TNPO3: variants seen among roughly 807,000 people sequenced by gnomAD.
TNPO3 encodes transportin 3.
A neutral mutation model predicts 122.8 loss-of-function variants in TNPO3; 65 were observed. The observed-to-expected ratio is 0.53, with a 90% confidence interval of 0.43 to 0.65. TNPO3 has a LOEUF of 0.65. Among genes scored for constraint, TNPO3 ranks in the 30% least tolerant of loss-of-function variants. The probability of loss-of-function intolerance (pLI) is 0.00; values close to 1 mark genes in which losing one functional copy is unlikely to be tolerated. For synonymous variants in TNPO3, 372 were observed against 411.2 expected, an observed-to-expected ratio of 0.90 and a Z score of 1.15; for missense variants, 850 against 1,136.7, an observed-to-expected ratio of 0.75 and a Z score of 3.63.
At chr7:129,015,230 G>T (rs1052523773) in intron 3 of TNPO3, 95 bp from the exon 4 acceptor site, 2 of 1,265,340 alleles carry the variant, frequency 1.6e-6, no homozygotes, top group Non-Finnish European at 2.2e-6. Flanking sequence ...AACAACAAAA[G>T]CAACATTCCC....
chr7:128,989,887 C>T lies in TNPO3; in HGVS notation c.1498+74G>A, dbSNP rs1800569234. ...AAAAAAACAGAAAGGAAAACACATGCAAAAGTAAGAGATGAGAAGAAAAAT... is the reference window on the plus strand; with the variant it reads ...AAAAAAACAGAAAGGAAAACACATGTAAAAGTAAGAGATGAGAAGAAAAAT... On this transcript the variant is annotated intron_variant, in intron 11 of 22. Transcript: ENST00000265388. 5 of 1,546,354 alleles carry T rather than the reference C, an allele frequency of 3.2e-6. No homozygotes were observed. In the Admixed American group the frequency reaches 7.2e-5, roughly 22 times the overall value.
intron 5 of TNPO3, among the ~76,000 whole-genome samples, chr7:129,001,761 G>A (rs777266271): frequency 6.6e-5 from 10 of 152,136 alleles, no homozygotes; most frequent in Non-Finnish European, 1.5e-4. Flanking sequence ...TTCCTTATAT[G>A]TCAAGCAAAT....
At chr7:129,005,183 A>G (rs763064837) in intron 4 of TNPO3, 24 bp from the exon 5 acceptor site, 1 of 1,594,556 alleles carries the variant, frequency 6.3e-7, no homozygotes, top group Admixed American at 1.7e-5. Flanking sequence ...AAAACTTAAA[A>G]TGAATAATGT....
chr7:129,000,306 C>A, intron 7 of TNPO3, 123 bp downstream of exon 7: 3 of 1,106,296 alleles, frequency 2.7e-6, no homozygotes, highest in South Asian at 2.3e-5. Flanking sequence ...GATGAAATCA[C>A]ATTAATTAAA....
intron 5 of TNPO3, among the ~76,000 whole-genome samples, chr7:129,004,573 C>T (rs575447931): frequency 6.6e-6 from 1 of 152,270 alleles, no homozygotes; most frequent in East Asian, 1.9e-4. Flanking sequence ...ATCTCAACTA[C>T]AAAGATAATA....
chr7:129,001,343 A>G, intron 5 of TNPO3, 109 bp from the exon 6 acceptor site: 1 of 869,758 alleles, frequency 1.1e-6, no homozygotes, highest in South Asian at 2.7e-5. Context: ...GAAAATATTC[A>G]AAATATAAGT....
At chr7:128,983,107 A>G (rs1799794988) in intron 13 of TNPO3, among the ~76,000 whole-genome samples, 1 of 152,182 alleles carries the variant, frequency 6.6e-6, no homozygotes, top group African/African-American at 2.4e-5. Context: ...CATGATGGGA[A>G]GGGAGGTCAG....
At chr7:129,037,896 A>G (rs542624961) in intron 1 of TNPO3, among the ~76,000 whole-genome samples, 1 of 152,328 alleles carries the variant, frequency 6.6e-6, no homozygotes, top group South Asian at 2.1e-4. Flanking sequence ...ACTATTTTGC[A>G]CAATACCTGC....
Position 128,993,601 on chromosome 7 carries a change from G to A in TNPO3, c.1266+206C>T, listed in dbSNP as rs140931557. 9.2e-5 allele frequency among the ~76,000 whole-genome samples: 14 copies of A among 152,280 alleles called. No individual in the cohort carries two copies. In the East Asian group the frequency reaches 2.1e-3, roughly 23 times the overall value. ...CAAGCATACAGAGTAAACCATAACC[G>A]AATCATCCATAAACTGCAACTGACT... On this transcript the variant is annotated intron_variant, in intron 9 of 22. Coordinates refer to ENST00000265388, the MANE Select transcript of TNPO3 (RefSeq NM_012470.4).
chr7:128,994,223 T>A (rs1299245841), intron 8 of TNPO3, among the ~76,000 whole-genome samples: 1 of 152,138 alleles, frequency 6.6e-6, no homozygotes, highest in Non-Finnish European at 1.5e-5. Flanking sequence ...AGTGGTGCGA[T>A]CTCTGCTTAC....
At position 129,015,151 on chromosome 7, in the gene TNPO3, G is replaced by C. The variant is rs1803685720; in HGVS notation, c.396-16C>G. The C allele has an allele frequency of 6.2e-7, 1 of 1,601,880 alleles. No homozygotes were observed. Among genetic ancestry groups the C allele is most frequent in the Admixed American group, 1.8e-5 (1 of 55,884 alleles). On this transcript the variant is annotated splice_polypyrimidine_tract_variant and intron_variant, in intron 3 of 22. Coordinates refer to ENST00000265388, the MANE Select transcript of TNPO3 (RefSeq NM_012470.4). ...ATTGCTGTATCTGCAAAAGAAAAAA[G>C]TGGAGATATGTTATTTATAGCCAGA...
chr7:128,962,051 T>C (rs1797506180), intron 21 of TNPO3, among the ~76,000 whole-genome samples: 2 of 152,200 alleles, frequency 1.3e-5, no homozygotes, highest in South Asian at 4.1e-4. Context: ...CCCAGCTTTC[T>C]TCAAGTTGAC....
At chr7:128,995,223 C>T (rs62478582) in intron 8 of TNPO3, among the ~76,000 whole-genome samples, 3,794 of 152,324 alleles carry the variant, frequency 0.025, 67 homozygotes, top group Non-Finnish European at 0.039. Context: ...GTTTGCTGTG[C>T]ATTTGAAATT....
At chr7:129,008,671 A>G (rs939899115) in intron 4 of TNPO3, among the ~76,000 whole-genome samples, 1 of 152,226 alleles carries the variant, frequency 6.6e-6, no homozygotes, top group African/African-American at 2.4e-5. Flanking sequence ...TGAACGGAGT[A>G]ACTAAGTTCC....
intron 1 of TNPO3, among the ~76,000 whole-genome samples, chr7:129,053,822 T>C (rs564755490): frequency 1.3e-5 from 2 of 152,238 alleles, no homozygotes; most frequent in South Asian, 4.1e-4. Context: ...AATACACATT[T>C]ACACAGAAAT....
chr7:129,019,226 C>A (rs181467209), intron 1 of TNPO3, among the ~76,000 whole-genome samples: 4 of 152,260 alleles, frequency 2.6e-5, no homozygotes, highest in Non-Finnish European at 4.4e-5. Flanking sequence ...AGATTGTAGA[C>A]AACTAATTAA....
chr7:129,041,729 G>A, intron 1 of TNPO3: 1 of 985,460 alleles, frequency 1.0e-6, no homozygotes, highest in East Asian at 1.1e-4. Context: ...TGCAACAAGA[G>A]AACATTTTCC....
At chr7:129,048,733 T>C (rs546218786) in intron 1 of TNPO3, among the ~76,000 whole-genome samples, 32 of 152,102 alleles carry the variant, frequency 2.1e-4, no homozygotes, top group African/African-American at 7.5e-4. Context: ...ATGTATATGG[T>C]GAAAAGTGAC....
chr7:129,046,342 T>C (rs1023499673), intron 1 of TNPO3, among the ~76,000 whole-genome samples: 1 of 152,172 alleles, frequency 6.6e-6, no homozygotes, highest in Non-Finnish European at 1.5e-5. Flanking sequence ...GTTTTCATTA[T>C]TTACATACTC....
Sources: gnomAD v4.1 joint callset for allele counts (sites outside exome capture counted in the v4.1 genomes callset) on GRCh38, gnomAD v4.1.1 for gene constraint, MANE v1.5 for transcripts, NCBI Gene and HGNC (gene_info 2026-07-23, HGNC 2026-07-21) for gene names.